CTDSPL2: variants seen among roughly 807,000 people sequenced by gnomAD.
CTDSPL2 encodes the protein CTD small phosphatase like 2.
A neutral mutation model predicts 60.0 loss-of-function variants in CTDSPL2; 5 were observed. The observed-to-expected ratio is 0.08, with a 90% CI of 0.04 to 0.18. CTDSPL2 has a LOEUF of 0.18. CTDSPL2 is among the 10% of genes least tolerant of loss of function. CTDSPL2 has a pLI of 1.00. For missense variants in CTDSPL2, 370 were observed against 548.8 expected, an observed-to-expected ratio of 0.67 and a Z score of 3.26; for synonymous variants, 186 against 189.3, an observed-to-expected ratio of 0.98 and a Z score of 0.14.
chr15:44,499,918 G>C, intron 8 of CTDSPL2, 105 bp downstream of exon 8: 2 of 643,786 alleles, frequency 3.1e-6, no homozygotes, highest in Non-Finnish European at 5.6e-6. Flanking sequence ...GTGTTTTTCT[G>C]TAGAAGTATA....
At chr15:44,448,647 C>T in intron 1 of CTDSPL2, 1 of 317,802 alleles carries the variant, frequency 3.1e-6, no homozygotes, top group South Asian at 2.9e-5. Flanking sequence ...TCCATTTCTC[C>T]CATTTTATTC....
intron 8 of CTDSPL2, among the ~76,000 whole-genome samples, chr15:44,506,412 C>CTTTTTTTTTTTTTT (rs764238056): frequency 8.0e-5 from 9 of 112,390 alleles, no homozygotes; most frequent in South Asian, 3.0e-4. Context: ...CCTACTTTGA[C>CTTTTTTTTTTTTTT]TTTTTTTTTT....
intron 1 of CTDSPL2, among the ~76,000 whole-genome samples, chr15:44,443,069 G>A (rs2080125339): frequency 6.6e-6 from 1 of 151,804 alleles, no homozygotes; most frequent in Admixed American, 6.6e-5. Context: ...CTATAGTTTT[G>A]TTAAAAACTG....
chr15:44,490,991 C>T lies in CTDSPL2; in HGVS notation c.683C>T (p.Pro228Leu), dbSNP rs558812327. The change falls in exon 5 of 13, where the codon CCC (proline) becomes CTC (leucine). Residue 228 changes from proline to leucine, a missense_variant. By Grantham distance (98) the Pro-to-Leu change is moderately conservative (BLOSUM62 -3). This residue lies in a region of CTDSPL2 where 287 missense variants were observed against 296.1 expected (regional missense o/e 0.97). Coordinates refer to ENST00000260327, the MANE Select transcript of CTDSPL2 (RefSeq NM_016396.3). ...GAAACAGTTAATCGTGATATCCCAC[C>T]CCTTACAGGTGAAGAAAATTTCTTT... is the stretch of plus-strand genomic sequence containing the variant. Reference protein sequence around the residue: ...AEETVNRDIPPLTAPVTPDSG... With the variant: ...AEETVNRDIPLLTAPVTPDSG... The T allele has an allele frequency of 1.2e-6, 2 of 1,610,740 alleles. No homozygotes were observed. Among genetic ancestry groups the T allele is most frequent in the Non-Finnish European group, 1.7e-6 (2 of 1,178,268 alleles).
At chr15:44,482,399 C>G (rs1017475078) in intron 2 of CTDSPL2, among the ~76,000 whole-genome samples, 1 of 152,170 alleles carries the variant, frequency 6.6e-6, no homozygotes, top group Non-Finnish European at 1.5e-5. Flanking sequence ...CCATTTTTTC[C>G]ATAAGTTTTG....
chr15:44,458,290 A>C (rs189454016), intron 1 of CTDSPL2, among the ~76,000 whole-genome samples: 1 of 152,334 alleles, frequency 6.6e-6, no homozygotes, highest in East Asian at 1.9e-4. Flanking sequence ...ATTCTAATTC[A>C]GTTATGTCTT....
intron 2 of CTDSPL2, among the ~76,000 whole-genome samples, chr15:44,480,846 A>G (rs1199977313): frequency 6.6e-6 from 1 of 152,160 alleles, no homozygotes; most frequent in Non-Finnish European, 1.5e-5. Context: ...AAAAGAAAAA[A>G]GAAAAATACA....
chr15:44,506,305 C>T (rs1016960888), intron 8 of CTDSPL2, among the ~76,000 whole-genome samples: 1 of 151,710 alleles, frequency 6.6e-6, no homozygotes, highest in Non-Finnish European at 1.5e-5. Context: ...GCTGGGATTA[C>T]CGGCATGAGG....
intron 4 of CTDSPL2, among the ~76,000 whole-genome samples, chr15:44,487,411 G>C (rs1296137862): frequency 1.3e-5 from 2 of 152,174 alleles, no homozygotes; most frequent in Admixed American, 6.5e-5. Context: ...TGAGGCTGCA[G>C]TGTGCTGTGA....
chr15:44,479,800 G>A (rs2080992697), intron 2 of CTDSPL2, among the ~76,000 whole-genome samples: 1 of 152,060 alleles, frequency 6.6e-6, no homozygotes, highest in South Asian at 2.1e-4. Flanking sequence ...ATCTATAGAG[G>A]TATTGTTCTG....
chr15:44,513,900 A>T (rs1343951094), intron 8 of CTDSPL2, among the ~76,000 whole-genome samples: 1 of 152,198 alleles, frequency 6.6e-6, no homozygotes, highest in African/African-American at 2.4e-5. Context: ...ATAAGAAAAT[A>T]ATGTATGTAA....
At position 44,507,903 on chromosome 15, in the gene CTDSPL2, T is replaced by G. The variant is rs567739337; in HGVS notation, c.970-6695T>G. 6.6e-5 allele frequency among the ~76,000 whole-genome samples: 10 copies of G among 152,330 alleles called. No individual in the cohort carries two copies. The South Asian group carries it at 1.7e-3, about 25-fold the overall frequency. On this transcript the variant is annotated intron_variant, in intron 8 of 12. Transcript: ENST00000260327. ...TTCTAGGTACTTTACGTGTATTAAC[T>G]TATTTAATCTTCACAACCACCTTAT...
chr15:44,471,010 A>G (rs2080798544), intron 2 of CTDSPL2, among the ~76,000 whole-genome samples: 1 of 152,200 alleles, frequency 6.6e-6, no homozygotes, highest in African/African-American at 2.4e-5. Flanking sequence ...AGATTTATGC[A>G]CATGACCAAA....
intron 8 of CTDSPL2, among the ~76,000 whole-genome samples, chr15:44,511,867 CAAAAAAAAAAAAAAAAA>C (rs68063380): frequency 3.3e-5 from 1 of 30,612 alleles, no homozygotes; most frequent in South Asian, 1.5e-3. Context: ...GACGGTCTCG[CAAAAAAAAAAAAAAAAA>C]AAAAAAAAGA....
intron 1 of CTDSPL2, among the ~76,000 whole-genome samples, chr15:44,446,913 C>A (rs1202151221): frequency 6.6e-6 from 1 of 151,720 alleles, no homozygotes; most frequent in African/African-American, 2.4e-5. Flanking sequence ...TGCCACTATG[C>A]CCAGCTAATT....
At chr15:44,523,003 G>A (rs1044673936) in intron 12 of CTDSPL2, among the ~76,000 whole-genome samples, 1 of 151,684 alleles carries the variant, frequency 6.6e-6, no homozygotes, top group African/African-American at 2.4e-5. Flanking sequence ...ACTGTTTTTT[G>A]TTTGTTTGTT....
intron 8 of CTDSPL2, among the ~76,000 whole-genome samples, chr15:44,503,113 G>A (rs1189095763): frequency 2.0e-5 from 3 of 152,018 alleles, no homozygotes; most frequent in East Asian, 1.9e-4. Context: ...TTTGTATATG[G>A]ATAAAAAGTC....
In CTDSPL2 at chr15:44,526,511, G is replaced by A. The variant is rs1055726036; in HGVS notation, c.*2337G>A. Reference sequence around the variant, plus strand: ...AGCTGATCAAGCATAAGATACTTCCGTAAAGAAATAAACTAAGAAAATTTT... The same window carrying A: ...AGCTGATCAAGCATAAGATACTTCCATAAAGAAATAAACTAAGAAAATTTT... On this transcript the variant is annotated 3_prime_UTR_variant, in exon 13 of 13. Coordinates refer to ENST00000260327, the MANE Select transcript of CTDSPL2 (RefSeq NM_016396.3). 9.2e-5 allele frequency: 14 copies of A among 151,994 alleles called. No individual in the cohort carries two copies. The highest frequency in any genetic ancestry group is 3.8e-4 in the East Asian group (2 of 5,198). 9.4% of individuals were successfully genotyped at this position (151,994 alleles called of 1,614,324 possible).
chr15:44,503,177 A>G lies in CTDSPL2; in HGVS notation c.969+3364A>G, dbSNP rs181512934. Among the ~76,000 whole-genome samples, 671 of 152,242 alleles carry G rather than the reference A, an allele frequency of 4.4e-3. 4 individuals carry two copies. The highest frequency in any genetic ancestry group is 0.015 in the African/African-American group (638 of 41,550). On this transcript the variant is annotated intron_variant, in intron 8 of 12. Transcript: ENST00000260327. ...AGGAAATGGCACTCATATAGGCAAA[A>G]TTACAGGCTTTTTGTTTGAATGGGT...
Sources: allele counts gnomAD v4.1 joint callset (sites outside exome capture counted in the v4.1 genomes callset), GRCh38; gene constraint gnomAD v4.1.1; regional missense constraint gnomAD v4.1.1; transcripts MANE v1.5; gene names NCBI Gene and HGNC (gene_info 2026-07-23, HGNC 2026-07-21).